SAMSN1: variants seen among roughly 807,000 people sequenced by gnomAD.
SAMSN1 encodes SAM domain-containing protein SAMSN-1.
A neutral mutation model predicts 42.0 loss-of-function variants in SAMSN1; 31 were observed. The observed-to-expected ratio is 0.74, with a 90% CI of 0.55 to 1.00. The LOEUF (loss-of-function observed/expected upper bound fraction) is 1.00, where lower values mean the gene tolerates loss of function less well. Ranked by LOEUF, SAMSN1 falls within the 50% of genes least tolerant of loss-of-function variation. SAMSN1 has a pLI of 0.00. For synonymous variants in SAMSN1, 178 were observed against 151.9 expected, an observed-to-expected ratio of 1.17 and a Z score of -1.26; for missense variants, 464 against 439.4, an observed-to-expected ratio of 1.06 and a Z score of -0.50.
intron 6 of SAMSN1, among the ~76,000 whole-genome samples, chr21:14,594,389 G>A (rs1190213635): frequency 1.3e-5 from 2 of 152,080 alleles, no homozygotes; most frequent in East Asian, 3.9e-4. Context: ...CCCTCACATA[G>A]AGCAATTCCA....
chr21:14,588,018 T>C (rs1175023254), upstream of SAMSN1, among the ~76,000 whole-genome samples: 2 of 137,642 alleles, frequency 1.5e-5, no homozygotes, highest in African/African-American at 5.4e-5. Flanking sequence ...GTTCTTGCGA[T>C]AGTTTACTGA....
At chr21:14,522,229 T>C (rs1405112825) in intron 1 of SAMSN1, among the ~76,000 whole-genome samples, 1 of 152,244 alleles carries the variant, frequency 6.6e-6, no homozygotes, top group Non-Finnish European at 1.5e-5. Context: ...TTATAAATAA[T>C]TTCTGATATG....
Position 14,577,262 on chromosome 21 carries a change from A to G in SAMSN1, c.261+4874T>C, listed in dbSNP as rs796467966. ...TGTATATATATATATATATATATAT[A>G]TATATATATATATATATATATATTT... On this transcript the variant is annotated intron_variant, in intron 2 of 8. Transcript: ENST00000285670. 1.4e-4 allele frequency among the ~76,000 whole-genome samples: 6 copies of G among 43,398 alleles called. 1 individual carries two copies. The highest frequency in any genetic ancestry group is 3.3e-4 in the African/African-American group (2 of 6,000). The allele number at this position is 43,398 out of a possible 152,430, so 28.5% of individuals were successfully genotyped here.
At chr21:14,595,771 C>T (rs1982242707) in intron 6 of SAMSN1, among the ~76,000 whole-genome samples, 1 of 152,094 alleles carries the variant, frequency 6.6e-6, no homozygotes, top group African/African-American at 2.4e-5. Context: ...GGAGTTCTAG[C>T]ACACAAAATA....
intron 1 of SAMSN1, among the ~76,000 whole-genome samples, chr21:14,531,964 A>C (rs1979292849): frequency 6.6e-6 from 1 of 152,204 alleles, no homozygotes; most frequent in Non-Finnish European, 1.5e-5. Context: ...AGTAATGACA[A>C]ACAATAAGCT....
At chr21:14,645,687 C>G (rs998695269) in intron 1 of SAMSN1, among the ~76,000 whole-genome samples, 13 of 152,126 alleles carry the variant, frequency 8.5e-5, no homozygotes, top group Non-Finnish European at 1.5e-5. Flanking sequence ...AGGGACCAAT[C>G]CTGGAGAAAG....
intron 2 of SAMSN1, among the ~76,000 whole-genome samples, chr21:14,555,541 T>C (rs1980738072): frequency 6.6e-6 from 1 of 152,180 alleles, no homozygotes; most frequent in Admixed American, 6.5e-5. Flanking sequence ...CATAGGGACA[T>C]GGCAGAATGA....
chr21:14,658,603 C>T (rs1010963123), intron 1 of SAMSN1: 1 of 590,966 alleles, frequency 1.7e-6, no homozygotes, highest in South Asian at 2.2e-5. Context: ...CATCCTTTCT[C>T]ACTGTTCTTT....
chr21:14,612,405 C>T (rs1982731534), intron 4 of SAMSN1: 1 of 211,648 alleles, frequency 4.7e-6, no homozygotes, highest in South Asian at 8.0e-5. Context: ...AAGGTACAAA[C>T]CAAACTGATT....
At chr21:14,563,474 T>A (rs1051545506) in intron 2 of SAMSN1, among the ~76,000 whole-genome samples, 23 of 152,206 alleles carry the variant, frequency 1.5e-4, no homozygotes, top group Admixed American at 1.2e-3. Flanking sequence ...GTCTTTGGTA[T>A]TTTTATGTAA....
chr21:14,500,479 T>C lies in SAMSN1; in HGVS notation c.768+50A>G, dbSNP rs775301372. 3 of 1,474,634 alleles carry C rather than the reference T, an allele frequency of 2.0e-6. No homozygotes were observed. The East Asian group carries it at 6.8e-5, about 33-fold the overall frequency. 91.3% of individuals were successfully genotyped at this position (1,474,634 alleles called of 1,614,324 possible). A position where few individuals can be genotyped will look rare whatever the true frequency, so the allele number is the denominator to read the frequency against. On this transcript the variant is annotated intron_variant, in intron 6 of 7. Transcript: ENST00000400566. ...ACAAATACTGATCCACTCCCTTCGG[T>C]GTTTCCATTTACATGCTTCCAAAAG...
rs374288455 is a variant in SAMSN1 at position 14,563,400 on chromosome 21, A to G, written c.261+18736T>C. Among the ~76,000 whole-genome samples the G allele has an allele frequency of 6.5e-4, 99 of 152,338 alleles. 1 individual carries two copies. Among genetic ancestry groups the G allele is most frequent in the African/African-American group, 2.3e-3 (97 of 41,580 alleles). The stretch of plus-strand genomic sequence containing the variant: ...TGTTTTGAATGCAAATTACACAATG[A>G]TATTATTAAATTAAGACTCTGTAAG... On this transcript the variant is annotated intron_variant, in intron 2 of 8. Coordinates refer to the SAMSN1 transcript ENST00000285670.
intron 2 of SAMSN1, among the ~76,000 whole-genome samples, chr21:14,637,788 C>T (rs990125946): frequency 2.0e-5 from 3 of 152,164 alleles, no homozygotes; most frequent in African/African-American, 7.2e-5. Context: ...ATATCCAACT[C>T]ATTTTAAATG....
intron 6 of SAMSN1, among the ~76,000 whole-genome samples, chr21:14,596,167 C>A (rs142822698): frequency 6.6e-6 from 1 of 152,168 alleles, no homozygotes; most frequent in African/African-American, 2.4e-5. Context: ...ATGAGAGAAT[C>A]CAATATGATC....
intron 1 of SAMSN1, among the ~76,000 whole-genome samples, chr21:14,654,807 A>AT (rs755503203): frequency 1.1e-4 from 17 of 152,006 alleles, no homozygotes; most frequent in Non-Finnish European, 1.8e-4. Flanking sequence ...AAGACATGAG[A>AT]TTTTTTGCCT....
chr21:14,518,276 G>T lies in SAMSN1; in HGVS notation c.130-1235C>A, dbSNP rs929991905. Reference sequence around the variant, plus strand: ...TTCCTCTAAGCAGTTAACATTACCCGATAATATGTTTGTTCATTTGATTAT... The same window carrying T: ...TTCCTCTAAGCAGTTAACATTACCCTATAATATGTTTGTTCATTTGATTAT... On this transcript the variant is annotated intron_variant, in intron 2 of 7. Transcript: ENST00000400566. 2.0e-5 allele frequency among the ~76,000 whole-genome samples: 3 copies of T among 152,158 alleles called. No homozygotes were observed. The East Asian group carries it at 5.8e-4, about 29-fold the overall frequency.
At chr21:14,561,531 C>T (rs531231926) in intron 2 of SAMSN1, among the ~76,000 whole-genome samples, 1 of 152,172 alleles carries the variant, frequency 6.6e-6, no homozygotes, top group African/African-American at 2.4e-5. Context: ...AGGAGAAAGA[C>T]ATGGGAGGGA....
At chr21:14,512,679 A>G (rs906904232) in intron 3 of SAMSN1, 106 bp from the exon 4 acceptor site, 1 of 990,912 alleles carries the variant, frequency 1.0e-6, no homozygotes, top group African/African-American at 1.6e-5. Context: ...AAAATACTTA[A>G]GGATACATAA....
Position 14,538,856 on chromosome 21 carries a change from TA to T in SAMSN1, c.57+7348del, listed in dbSNP as rs140473171. Reference sequence around the variant, plus strand: ...TGCACTTTAGATTAAAAAGAATGGTTAAAAAAAAGGCTATTTCCAGAACTGT... The same window carrying T: ...TGCACTTTAGATTAAAAAGAATGGTTAAAAAAAGGCTATTTCCAGAACTGT... On this transcript the variant is annotated intron_variant, in intron 1 of 7. Coordinates refer to ENST00000400566, the MANE Select transcript of SAMSN1 (RefSeq NM_022136.5). Among the ~76,000 whole-genome samples the T allele has an allele frequency of 3.4e-4, 51 of 151,846 alleles. 1 individual carries two copies. The South Asian group carries it at 7.1e-3, about 21-fold the overall frequency.
Sources: allele counts gnomAD v4.1 joint callset (sites outside exome capture counted in the v4.1 genomes callset), GRCh38; gene constraint gnomAD v4.1.1; transcripts MANE v1.5; gene names NCBI Gene and HGNC (gene_info 2026-07-23, HGNC 2026-07-21).